The following PAK5 variants were observed in gnomAD, a reference collection of about 807,000 sequenced individuals.
The protein encoded by PAK5 is p21 (RAC1) activated kinase 5.
A neutral mutation model predicts 65.9 loss-of-function variants in PAK5; 16 were observed. The observed-to-expected ratio is 0.24, with a 90% confidence interval of 0.16 to 0.37. The LOEUF (loss-of-function observed/expected upper bound fraction) is 0.37, where lower values mean the gene tolerates loss of function less well. Among genes scored for constraint, PAK5 ranks in the 10% least tolerant of loss-of-function variants. The probability of loss-of-function intolerance (pLI) is 1.00; values close to 1 mark genes in which losing one functional copy is unlikely to be tolerated. For synonymous variants in PAK5, 371 were observed against 354.9 expected (o/e 1.05, Z -0.51); for missense variants, 785 against 903.9 (o/e 0.87, Z 1.69).
At chr20:9,722,558 G>A (rs962146557) in intron 1 of PAK5, among the ~76,000 whole-genome samples, 9 of 152,058 alleles carry the variant, frequency 5.9e-5, no homozygotes, top group Admixed American at 2.0e-4. Flanking sequence ...CTTGCAGTGA[G>A]CCGCGATCGC....
intron 3 of PAK5, among the ~76,000 whole-genome samples, chr20:9,621,513 G>A (rs2046768132): frequency 6.7e-6 from 1 of 150,088 alleles, no homozygotes; most frequent in African/African-American, 2.5e-5. Flanking sequence ...ATATTAATGG[G>A]CTGATTTGAA....
chr20:9,587,444 C>T (rs983938453), intron 3 of PAK5, among the ~76,000 whole-genome samples: 8 of 152,026 alleles, frequency 5.3e-5, no homozygotes, highest in South Asian at 2.1e-4. Context: ...TTCTTAAAAA[C>T]GTAATGTATG....
At chr20:9,775,597 C>T (rs933756728) in intron 1 of PAK5, among the ~76,000 whole-genome samples, 1 of 152,142 alleles carries the variant, frequency 6.6e-6, no homozygotes, top group Admixed American at 6.6e-5. Context: ...AAAAGACCCT[C>T]ATTTTCAATT....
intron 1 of PAK5, among the ~76,000 whole-genome samples, chr20:9,756,161 C>T (rs2048631506): frequency 6.6e-6 from 1 of 152,146 alleles, no homozygotes; most frequent in African/African-American, 2.4e-5. Context: ...AGCAGCAATG[C>T]ATTTGTGAAG....
chr20:9,608,113 A>T (rs2046488798), intron 3 of PAK5, among the ~76,000 whole-genome samples: 1 of 152,180 alleles, frequency 6.6e-6, no homozygotes, highest in East Asian at 1.9e-4. Flanking sequence ...CTCTAATACC[A>T]TTCATAAGGG....
At chr20:9,815,013 A>G (rs2049340021) in intron 1 of PAK5, among the ~76,000 whole-genome samples, 1 of 152,178 alleles carries the variant, frequency 6.6e-6, no homozygotes, top group Non-Finnish European at 1.5e-5. Flanking sequence ...GTGGAAGGCA[A>G]AGAGGCGCTA....
intron 2 of PAK5, among the ~76,000 whole-genome samples, chr20:9,688,878 G>T (rs544968678): frequency 6.6e-6 from 1 of 152,104 alleles, no homozygotes; most frequent in Non-Finnish European, 1.5e-5. Context: ...ACTCAGTGAT[G>T]ATTCTCAGAT....
chr20:9,557,462 T>A, intron 7 of PAK5, 146 bp downstream of exon 7: 1 of 593,196 alleles, frequency 1.7e-6, no homozygotes. Context: ...TGGTAATTTC[T>A]TTTTTGTAAG....
intron 5 of PAK5, among the ~76,000 whole-genome samples, chr20:9,564,969 A>G (rs1056408873): frequency 6.6e-6 from 1 of 151,672 alleles, no homozygotes. Flanking sequence ...ACATTAGGTG[A>G]AATTTAGAAA....
chr20:9,610,916 G>A (rs929090634), intron 3 of PAK5, among the ~76,000 whole-genome samples: 12 of 152,290 alleles, frequency 7.9e-5, no homozygotes, highest in Middle Eastern at 3.4e-3. Flanking sequence ...CTTCTGCCAC[G>A]AGAGGACATG....
chr20:9,785,963 C>T (rs1472512386), intron 1 of PAK5, among the ~76,000 whole-genome samples: 2 of 152,058 alleles, frequency 1.3e-5, no homozygotes, highest in Non-Finnish European at 2.9e-5. Flanking sequence ...AGACACCCAA[C>T]CAATCAGAGG....
At position 9,695,829 on chromosome 20, in the gene PAK5, TA is replaced by T. The variant is rs1569044920; in HGVS notation, c.-12+15456del. 2.0e-5 allele frequency among the ~76,000 whole-genome samples: 3 copies of T among 151,966 alleles called. No individual in the cohort carries two copies. In the South Asian group the frequency reaches 6.2e-4, roughly 31 times the overall value. ...AAAAAAAAATTCAACTTTTAAATTCTAAAAAAACTTCTAAGTTCTATAAAAA... is the reference window on the plus strand; with the variant it reads ...AAAAAAAAATTCAACTTTTAAATTCTAAAAAACTTCTAAGTTCTATAAAAA... On this transcript the variant is annotated intron_variant, in intron 2 of 9. Coordinates refer to ENST00000353224, the MANE Select transcript of PAK5 (RefSeq NM_177990.4).
chr20:9,547,037 G>T (rs949617021), intron 7 of PAK5, among the ~76,000 whole-genome samples: 4 of 151,982 alleles, frequency 2.6e-5, no homozygotes, highest in African/African-American at 9.7e-5. Flanking sequence ...TGAAGGTGAG[G>T]TCATATTGGA....
At chr20:9,742,470 T>C (rs952328325) in intron 1 of PAK5, among the ~76,000 whole-genome samples, 1 of 152,178 alleles carries the variant, frequency 6.6e-6, no homozygotes, top group Non-Finnish European at 1.5e-5. Context: ...AAATATCCTA[T>C]AAATAAATTA....
intron 2 of PAK5, among the ~76,000 whole-genome samples, chr20:9,700,171 G>A (rs1202384696): frequency 6.6e-6 from 1 of 152,100 alleles, no homozygotes; most frequent in African/African-American, 2.4e-5. Flanking sequence ...TAGCACTTTG[G>A]GAGGCTGAGG....
intron 3 of PAK5, among the ~76,000 whole-genome samples, chr20:9,635,423 G>A (rs1271860010): frequency 3.9e-5 from 6 of 152,020 alleles, no homozygotes; most frequent in African/African-American, 9.7e-5. Context: ...AAAGTGCCCC[G>A]TGCCATCCAA....
At chr20:9,783,497 A>G (rs1196268265) in intron 1 of PAK5, among the ~76,000 whole-genome samples, 1 of 152,138 alleles carries the variant, frequency 6.6e-6, no homozygotes. Flanking sequence ...CATTCTAACC[A>G]AGGAGGCAGG....
At chr20:9,660,678 A>C (rs578007577) in intron 2 of PAK5, among the ~76,000 whole-genome samples, 87 of 152,258 alleles carry the variant, frequency 5.7e-4, no homozygotes, top group African/African-American at 2.0e-3. Context: ...TTGAGCAAAT[A>C]TTTGAAGTTA....
intron 6 of PAK5, among the ~76,000 whole-genome samples, chr20:9,560,714 A>C (rs1004022244): frequency 3.9e-5 from 6 of 152,234 alleles, no homozygotes; most frequent in Non-Finnish European, 7.3e-5. Flanking sequence ...AGACAGGTAC[A>C]TCAGCATCTG....
Sources: allele counts gnomAD v4.1 joint callset (sites outside exome capture counted in the v4.1 genomes callset), GRCh38; gene constraint gnomAD v4.1.1; transcripts MANE v1.5; gene names NCBI Gene and HGNC (gene_info 2026-07-23, HGNC 2026-07-21).